The following MED13L variants were observed in gnomAD, a reference collection of about 807,000 sequenced individuals.
The protein encoded by MED13L is mediator complex subunit 13L.
In MED13L, 7 loss-of-function variants were observed where a neutral mutation model predicts 220.9. The ratio of observed to expected loss-of-function variants is 0.03; its 90% confidence interval spans 0.02 to 0.06. The LOEUF (loss-of-function observed/expected upper bound fraction) is 0.06. MED13L is among the 10% of genes least tolerant of loss of function. MED13L has a pLI of 1.00. For synonymous variants in MED13L, 1,011 were observed against 1,015.2 expected, an observed-to-expected ratio of 1.00 and a Z score of 0.08; for missense variants, 1,965 against 2,760.5, an observed-to-expected ratio of 0.71 and a Z score of 6.46.
intron 2 of MED13L, among the ~76,000 whole-genome samples, chr12:116,183,820 A>G (rs7299316): frequency 0.26 from 37,653 of 146,438 alleles, 5,021 homozygotes; most frequent in South Asian, 0.37. Context: ...GTGTGTGTGT[A>G]TGTGTGTGTG....
chr12:116,189,911 C>T (rs1316549196), intron 2 of MED13L, among the ~76,000 whole-genome samples: 5 of 152,054 alleles, frequency 3.3e-5, no homozygotes, highest in Non-Finnish European at 7.4e-5. Context: ...GCTGAACTCA[C>T]TCATTAGTTC....
At chr12:115,989,135 T>C (rs535796038) in intron 17 of MED13L, among the ~76,000 whole-genome samples, 3 of 152,334 alleles carry the variant, frequency 2.0e-5, no homozygotes, top group South Asian at 2.1e-4. Context: ...GATTTCAAAC[T>C]GTATTTAAGA....
intron 2 of MED13L, among the ~76,000 whole-genome samples, chr12:116,131,636 T>C (rs1593079975): frequency 2.0e-5 from 3 of 152,238 alleles, no homozygotes; most frequent in Admixed American, 2.0e-4. Context: ...TTTATGTATA[T>C]ACATATGTTT....
intron 3 of MED13L, among the ~76,000 whole-genome samples, chr12:116,110,900 A>T (rs1324723377): frequency 1.3e-5 from 2 of 152,198 alleles, no homozygotes; most frequent in African/African-American, 2.4e-5. Flanking sequence ...AAGAAAAAAA[A>T]GGCTAAAGAA....
At chr12:116,118,842 C>A (rs1054623360) in intron 2 of MED13L, among the ~76,000 whole-genome samples, 1 of 152,168 alleles carries the variant, frequency 6.6e-6, no homozygotes, top group Non-Finnish European at 1.5e-5. Flanking sequence ...CATGTATGTG[C>A]AAACCACTCG....
intron 1 of MED13L, among the ~76,000 whole-genome samples, chr12:116,261,325 G>A (rs546474883): frequency 2.6e-5 from 4 of 151,986 alleles, no homozygotes; most frequent in African/African-American, 9.6e-5. Context: ...GTGAAACCCC[G>A]TGTCTCTATA....
At chr12:116,148,254 A>T (rs1246218659) in intron 2 of MED13L, among the ~76,000 whole-genome samples, 1 of 151,820 alleles carries the variant, frequency 6.6e-6, no homozygotes, top group African/African-American at 2.4e-5. Context: ...TGTGCAAATA[A>T]CTCAACCGTC....
At chr12:116,179,876 C>T (rs1416288492) in intron 2 of MED13L, among the ~76,000 whole-genome samples, 2 of 152,126 alleles carry the variant, frequency 1.3e-5, no homozygotes, top group Admixed American at 6.5e-5. Flanking sequence ...CAGCTATATT[C>T]TGAGTCTGTG....
chr12:116,266,572 A>G (rs1014374732), intron 1 of MED13L, among the ~76,000 whole-genome samples: 5 of 152,238 alleles, frequency 3.3e-5, no homozygotes, highest in Admixed American at 6.5e-5. Context: ...ACCCTACATG[A>G]GAACACTAAG....
intron 2 of MED13L, among the ~76,000 whole-genome samples, chr12:116,202,540 T>C (rs1463295440): frequency 1.3e-5 from 2 of 152,070 alleles, no homozygotes; most frequent in South Asian, 2.1e-4. Flanking sequence ...GAGAGTACAA[T>C]GGAAATGGTT....
intron 1 of MED13L, among the ~76,000 whole-genome samples, chr12:116,238,277 A>G (rs1165660255): frequency 6.6e-6 from 1 of 152,226 alleles, no homozygotes; most frequent in Non-Finnish European, 1.5e-5. Flanking sequence ...CATGTTTTTT[A>G]ACATGTAGCA....
rs1566020619 is a variant in MED13L at position 116,031,725 on chromosome 12, GA to G, written c.480-9125del. Among the ~76,000 whole-genome samples, 119 of 66,980 alleles carry G rather than the reference GA, an allele frequency of 1.8e-3. 7 individuals carry two copies. The highest frequency in any genetic ancestry group is 7.9e-3 in the East Asian group (17 of 2,158). 43.9% of individuals were successfully genotyped at this position (66,980 alleles called of 152,430 possible). On this transcript the variant is annotated intron_variant, in intron 4 of 30. Transcript: ENST00000281928. ...GAAAAGAAAAGAAAAGAAAAGAAAA[GA>G]AAAGAAAAGAAAAGAAAAGAAAAGA...
intron 3 of MED13L, among the ~76,000 whole-genome samples, chr12:116,098,436 C>T (rs1474895242): frequency 2.0e-5 from 3 of 152,090 alleles, no homozygotes; most frequent in Non-Finnish European, 4.4e-5. Context: ...TCCTACCTAC[C>T]AGCAAAAGAG....
At chr12:116,053,212 G>C (rs1396046438) in intron 4 of MED13L, among the ~76,000 whole-genome samples, 1 of 152,084 alleles carries the variant, frequency 6.6e-6, no homozygotes. Context: ...AGATACAAGT[G>C]ATTAGGGAGT....
intron 1 of MED13L, among the ~76,000 whole-genome samples, chr12:116,260,628 A>G (rs1474269569): frequency 1.3e-5 from 2 of 152,224 alleles, no homozygotes; most frequent in Non-Finnish European, 2.9e-5. Flanking sequence ...CAAAAATTTG[A>G]AAGAAACCAA....
chr12:115,973,192 G>A (rs943647651), intron 25 of MED13L, among the ~76,000 whole-genome samples: 1 of 152,168 alleles, frequency 6.6e-6, no homozygotes, highest in Non-Finnish European at 1.5e-5. Context: ...TCACAGATGT[G>A]AGCTTCATAT....
At chr12:116,235,156 G>C (rs1869958279) in intron 2 of MED13L, among the ~76,000 whole-genome samples, 2 of 152,006 alleles carry the variant, frequency 1.3e-5, no homozygotes, top group African/African-American at 2.4e-5. Flanking sequence ...ATTAAGGCTA[G>C]ATATTTTCTG....
At chr12:116,113,217 T>C (rs746882527) in intron 2 of MED13L, among the ~76,000 whole-genome samples, 3 of 152,194 alleles carry the variant, frequency 2.0e-5, no homozygotes, top group Admixed American at 6.5e-5. Context: ...CTCTGTGCCA[T>C]AAAGAGTGCT....
At chr12:116,180,833 T>C (rs1208916692) in intron 2 of MED13L, among the ~76,000 whole-genome samples, 2 of 152,202 alleles carry the variant, frequency 1.3e-5, no homozygotes, top group Non-Finnish European at 2.9e-5. Flanking sequence ...TCTAAATGGC[T>C]AGTCAAAGTT....
Sources: allele counts gnomAD v4.1 joint callset (sites outside exome capture counted in the v4.1 genomes callset), GRCh38; gene constraint gnomAD v4.1.1; transcripts MANE v1.5; gene names NCBI Gene and HGNC (gene_info 2026-07-23, HGNC 2026-07-21).